Variants in CTNNA3 observed in about 807,000 individuals in gnomAD.
CTNNA3 encodes catenin alpha 3.
Under a neutral mutation model 95.7 loss-of-function variants are expected in CTNNA3, and 76 were observed. The ratio of observed to expected loss-of-function variants is 0.79; its 90% CI spans 0.66 to 0.96. The LOEUF (loss-of-function observed/expected upper bound fraction) is 0.96. Among genes scored for constraint, CTNNA3 ranks in the 40% least tolerant of loss-of-function variants. The pLI, the probability that CTNNA3 is intolerant of heterozygous loss-of-function variation, is 0.00. For synonymous variants in CTNNA3, 431 were observed against 374.4 expected, an observed-to-expected ratio of 1.15 and a Z score of -1.74; for missense variants, 1,191 against 1,089.8, an observed-to-expected ratio of 1.09 and a Z score of -1.31.
intron 9 of CTNNA3, among the ~76,000 whole-genome samples, chr10:66,722,835 G>A (rs1021246387): frequency 1.3e-5 from 2 of 152,018 alleles, no homozygotes; most frequent in African/African-American, 2.4e-5. Flanking sequence ...GGGGGTGGGC[G>A]GGGGAAGTGT....
chr10:66,621,804 A>T lies in CTNNA3; in HGVS notation c.1282-20T>A. The T allele has an allele frequency of 6.7e-7, 1 of 1,500,220 alleles. No homozygotes were observed. The highest frequency in any genetic ancestry group is 9.2e-7 in the Non-Finnish European group (1 of 1,089,290). The allele number at this position is 1,500,220 out of a possible 1,614,324, so 92.9% of individuals were successfully genotyped here. On this transcript the variant is annotated intron_variant, in intron 9 of 17. Coordinates refer to ENST00000433211, the MANE Select transcript of CTNNA3 (RefSeq NM_013266.4). ...TGCCACCTTAAATACAATCCAAAAT[A>T]ATGGAAATTATTTTAGATTAGCAAG...
chr10:66,526,481 G>A (rs77509566), intron 10 of CTNNA3, among the ~76,000 whole-genome samples: 6,105 of 152,106 alleles, frequency 0.04, 442 homozygotes, highest in African/African-American at 0.14. Context: ...GCCACTGTGC[G>A]AAGACTGACA....
chr10:66,954,659 A>C (rs1445779710), intron 7 of CTNNA3, among the ~76,000 whole-genome samples: 1 of 152,208 alleles, frequency 6.6e-6, no homozygotes, highest in Non-Finnish European at 1.5e-5. Flanking sequence ...TTTTTAGATA[A>C]ATTTGGATTA....
chr10:66,765,526 T>A (rs1839812635), intron 9 of CTNNA3, among the ~76,000 whole-genome samples: 1 of 152,172 alleles, frequency 6.6e-6, no homozygotes. Context: ...ATTTCCCACT[T>A]CTTGCCACTG....
chr10:66,060,235 C>T (rs1320459113), intron 15 of CTNNA3, among the ~76,000 whole-genome samples: 1 of 151,816 alleles, frequency 6.6e-6, no homozygotes, highest in African/African-American at 2.4e-5. Flanking sequence ...TCCGCGTGGA[C>T]AGAATTTACC....
At chr10:66,486,330 A>T (rs150540584) in intron 11 of CTNNA3, among the ~76,000 whole-genome samples, 1 of 152,366 alleles carries the variant, frequency 6.6e-6, no homozygotes, top group African/African-American at 2.4e-5. Flanking sequence ...CAAATTACAT[A>T]ATGAACTCAC....
intron 5 of CTNNA3, among the ~76,000 whole-genome samples, chr10:67,492,329 A>G (rs1046530266): frequency 1.4e-5 from 2 of 143,644 alleles, no homozygotes; most frequent in Admixed American, 7.3e-5. Context: ...ATAAGTGATC[A>G]TAATAACAGT....
intron 9 of CTNNA3, among the ~76,000 whole-genome samples, chr10:66,625,729 T>C (rs1844912366): frequency 6.6e-6 from 1 of 152,174 alleles, no homozygotes. Flanking sequence ...GTTTCTGTCA[T>C]GATTTCCATT....
At chr10:66,336,999 G>A (rs562260469) in intron 12 of CTNNA3, among the ~76,000 whole-genome samples, 2 of 152,196 alleles carry the variant, frequency 1.3e-5, no homozygotes, top group African/African-American at 4.8e-5. Flanking sequence ...CAGAAGCAGA[G>A]AGGAAAACCC....
At position 66,393,995 on chromosome 10, in the gene CTNNA3, G is replaced by C. The variant is rs534040524; in HGVS notation, c.1532-14643C>G. Among the ~76,000 whole-genome samples the C allele has an allele frequency of 1.8e-4, 28 of 151,998 alleles. 1 individual carries two copies. The South Asian group carries it at 5.2e-3, about 28-fold the overall frequency. On this transcript the variant is annotated intron_variant, in intron 11 of 17. Coordinates refer to ENST00000433211, the MANE Select transcript of CTNNA3 (RefSeq NM_013266.4). ...ATTCAGCTATTCCAAATGTATAATGGGAAGGGAAAATCATAGGTTTAAAAT... is the reference window on the plus strand; with the variant it reads ...ATTCAGCTATTCCAAATGTATAATGCGAAGGGAAAATCATAGGTTTAAAAT...
At chr10:67,624,710 AAC>A (rs1843968295) in intron 2 of CTNNA3, among the ~76,000 whole-genome samples, 1 of 152,200 alleles carries the variant, frequency 6.6e-6, no homozygotes, top group African/African-American at 2.4e-5. Flanking sequence ...CAGTCAAAGG[AAC>A]ACAGGACCTG....
chr10:66,955,440 A>G (rs929580697), intron 7 of CTNNA3, among the ~76,000 whole-genome samples: 4 of 152,170 alleles, frequency 2.6e-5, no homozygotes, highest in Non-Finnish European at 4.4e-5. Flanking sequence ...CCAAATGACA[A>G]TGCCAATTCA....
chr10:67,404,763 G>T (rs1845070347), intron 5 of CTNNA3, among the ~76,000 whole-genome samples: 1 of 152,048 alleles, frequency 6.6e-6, no homozygotes, highest in African/African-American at 2.4e-5. Context: ...GTAATCATCA[G>T]ATCCTCCAAG....
At chr10:66,719,819 T>G (rs1380007690) in intron 9 of CTNNA3, among the ~76,000 whole-genome samples, 1 of 152,070 alleles carries the variant, frequency 6.6e-6, no homozygotes, top group Non-Finnish European at 1.5e-5. Context: ...GGAGATATGT[T>G]TTTTGGCCTC....
intron 13 of CTNNA3, among the ~76,000 whole-genome samples, chr10:66,243,370 T>A (rs2090181956): frequency 1.3e-5 from 2 of 152,216 alleles, no homozygotes. Flanking sequence ...CCTTTTTAAG[T>A]CTGATAACAA....
chr10:67,101,748 GA>G (rs1406540692), intron 7 of CTNNA3, among the ~76,000 whole-genome samples: 2 of 150,212 alleles, frequency 1.3e-5, no homozygotes, highest in South Asian at 4.2e-4. Flanking sequence ...AAATCTTTTT[GA>G]AAAAAAAATT....
chr10:67,243,176 C>A (rs963038101), intron 5 of CTNNA3, among the ~76,000 whole-genome samples: 3 of 152,136 alleles, frequency 2.0e-5, no homozygotes, highest in African/African-American at 7.2e-5. Context: ...TACACTCCCA[C>A]TCCCCATGTT....
intron 6 of CTNNA3, among the ~76,000 whole-genome samples, chr10:67,183,989 T>C (rs1314749272): frequency 3.9e-5 from 6 of 152,092 alleles, no homozygotes; most frequent in African/African-American, 1.2e-4. Flanking sequence ...AGGAGCCAAA[T>C]CGGGACTGTA....
intron 3 of CTNNA3, 28 bp downstream of exon 3, chr10:67,606,829 T>G: frequency 6.4e-7 from 1 of 1,558,134 alleles, no homozygotes; most frequent in Non-Finnish European, 8.8e-7. Flanking sequence ...ATATGCAGTT[T>G]GCTCCTGACC....
Sources: gnomAD v4.1 joint callset for allele counts (sites outside exome capture counted in the v4.1 genomes callset) on GRCh38, gnomAD v4.1.1 for gene constraint, MANE v1.5 for transcripts, NCBI Gene and HGNC (gene_info 2026-07-23, HGNC 2026-07-21) for gene names.